CCDC185: variants seen among roughly 807,000 people sequenced by gnomAD.
CCDC185 encodes the protein coiled-coil domain-containing protein 185.
For synonymous variants in CCDC185, 381 were observed against 348.1 expected (o/e 1.09, Z -1.05); for missense variants, 982 against 825.3 (o/e 1.19, Z -2.33).
At position 223,394,541 on chromosome 1, in the gene CCDC185, C is replaced by T; in HGVS notation, c.1066C>T (p.Pro356Ser). ...GGAGCAACCAGAGGACCAGGAGAGC[C>T]CGCGCCAGGAGAAGCTGGAGAAGGC... ...WKEQPEDQES[P>S]RQEKLEKARA... Residue 356 changes from proline (P) to serine (S), a missense_variant, in exon 1 of 1, where the codon CCG becomes TCG. By Grantham distance (74) the Pro-to-Ser change is moderately conservative. Coordinates refer to ENST00000366875, the MANE Select transcript of CCDC185 (RefSeq NM_152610.3). The T allele has an allele frequency of 6.3e-7, 1 of 1,599,888 alleles. No individual in the cohort carries two copies. Among genetic ancestry groups the T allele is most frequent in the African/African-American group, 1.3e-5 (1 of 74,754 alleles).
rs141894100 is a variant in CCDC185, at chr1:223,394,100, G to A, written c.625G>A (p.Ala209Thr). Reference protein sequence around the residue: ...KFKRHSACVCAQKRDSSDQVE... With the variant: ...KFKRHSACVCTQKRDSSDQVE... ...CAAGAGGCACTCAGCCTGCGTGTGC[G>A]CCCAGAAGAGAGACAGCAGCGACCA... The change falls in exon 1 of 1, where the codon GCC (alanine) becomes ACC (threonine). Residue 209 changes from alanine to threonine, a missense_variant. Transcript: ENST00000366875. 78 of 1,613,992 alleles carry A rather than the reference G, an allele frequency of 4.8e-5. No homozygotes were observed. Among genetic ancestry groups the A allele is most frequent in the South Asian group, 4.7e-4 (43 of 91,092 alleles).
In CCDC185 at chr1:223,394,597, C is replaced by T. The variant is rs566778039; in HGVS notation, c.1122C>T (p.Cys374=). The change falls in exon 1 of 1, where the codon TGC becomes TGT. Residue 374 remains cysteine, a synonymous_variant. Transcript: ENST00000366875. ...CCCAGGCAGAGCACCGAAAACAGTGCCAGGTGCGGCGCCTGCGGGAGCAGG... is the reference window on the plus strand; with the variant it reads ...CCCAGGCAGAGCACCGAAAACAGTGTCAGGTGCGGCGCCTGCGGGAGCAGG... ...ARAQAEHRKQ[C]QVRRLREQEK... 9.2e-5 allele frequency: 148 copies of T among 1,611,504 alleles called. 2 individuals are homozygous for T. In the South Asian group the frequency reaches 1.4e-3, roughly 16 times the overall value.
Position 223,395,364 on chromosome 1 carries a change from G to A in CCDC185, c.*17G>A. Reference sequence around the variant, plus strand: ...GGTTACTGAGAACCAAGGACGCCTGGCTTACAGTGCGCAGCCAGAAGGAGA... The same window carrying A: ...GGTTACTGAGAACCAAGGACGCCTGACTTACAGTGCGCAGCCAGAAGGAGA... On this transcript the variant is annotated 3_prime_UTR_variant, in exon 1 of 1. Transcript: ENST00000366875. The A allele has an allele frequency of 6.7e-7, 1 of 1,501,454 alleles. No homozygotes were observed. 93.0% of individuals were successfully genotyped at this position (1,501,454 alleles called of 1,614,324 possible). A position where few individuals can be genotyped will look rare whatever the true frequency, so the allele number is the denominator to read the frequency against.
rs1373732878 is a variant in CCDC185, at chr1:223,393,467, G to C, written c.-9G>C. 1 of 1,458,060 alleles carries C rather than the reference G, an allele frequency of 6.9e-7. No individual in the cohort carries two copies. Among genetic ancestry groups the C allele is most frequent in the South Asian group, 1.4e-5 (1 of 70,316 alleles). The allele number at this position is 1,458,060 out of a possible 1,614,324, so 90.3% of individuals were successfully genotyped here. ...CTTGGGCAGACGCTGCGCGTGCCCAGAGGGAGGGATGGCAGGCTTCAGCCA... is the reference window on the plus strand; with the variant it reads ...CTTGGGCAGACGCTGCGCGTGCCCACAGGGAGGGATGGCAGGCTTCAGCCA... On this transcript the variant is annotated 5_prime_UTR_variant, in exon 1 of 1. Transcript: ENST00000366875. The surrounding 1 kb of genome is among the most constrained non-coding windows in gnomAD (Gnocchi z 4.8).
At position 223,393,936 on chromosome 1, in the gene CCDC185, G is replaced by C. The variant is rs1454892574; in HGVS notation, c.461G>C (p.Gly154Ala). 6.2e-7 allele frequency: 1 copy of C among 1,613,272 alleles called. No homozygotes were observed. The highest frequency in any genetic ancestry group is 1.7e-5 in the Admixed American group (1 of 59,942). ...CCCCCGCCTTGCCCCGGAGGAGCTG[G>C]CACTCCCCTGAGTGGCACATTCAGG... is the stretch of plus-strand genomic sequence containing the variant. ...DSPPPCPGGA[G>A]TPLSGTFRVE... The change falls in exon 1 of 1, where the codon GGC (glycine) becomes GCC (alanine). Residue 154 changes from glycine to alanine, a missense_variant. Transcript: ENST00000366875. This position sits in a 1 kb window ranked among gnomAD's most constrained non-coding sequence, Gnocchi z 4.8.
Position 223,394,440 on chromosome 1 carries a change from T to A in CCDC185, c.965T>A (p.Leu322His). ...CAGGAGAAGGAGCAGCGCAAGACCC[T>A]CCAGAGCCCTGAGCAGCGCGGCCTG... The part of the protein sequence containing the change: ...QWQEKEQRKT[L>H]QSPEQRGLRR... Residue 322 changes from leucine (L) to histidine (H), a missense_variant, in exon 1 of 1, where the codon CTC becomes CAC. Transcript: ENST00000366875. 1 of 1,569,638 alleles carries A rather than the reference T, an allele frequency of 6.4e-7. No homozygotes were observed. The highest frequency in any genetic ancestry group is 2.4e-5 in the East Asian group (1 of 42,360).
At position 223,393,842 on chromosome 1, in the gene CCDC185, C is replaced by G. The variant is rs1178234166; in HGVS notation, c.367C>G (p.Pro123Ala). 5 of 1,599,944 alleles carry G rather than the reference C, an allele frequency of 3.1e-6. No individual in the cohort carries two copies. The highest frequency in any genetic ancestry group is 1.7e-5 in the Admixed American group (1 of 58,252). The change falls in exon 1 of 1, where the codon CCG becomes GCG. Residue 123 changes from proline to alanine, a missense_variant. Coordinates refer to ENST00000366875, the MANE Select transcript of CCDC185 (RefSeq NM_152610.3). The surrounding 1 kb of genome is among the most constrained non-coding windows in gnomAD (Gnocchi z 4.8). ...TGTKPRPAWQ[P>A]QTQLPPQRPQ... is the part of the protein sequence containing the mutation. The stretch of plus-strand genomic sequence containing the variant: ...AACCAAGCCCCGCCCGGCTTGGCAG[C>G]CGCAGACCCAGCTGCCACCCCAGCG...
In CCDC185 at chr1:223,393,784, C is replaced by G; in HGVS notation, c.309C>G (p.Ser103Arg). 6.4e-7 allele frequency: 1 copy of G among 1,571,298 alleles called. No homozygotes were observed. Among genetic ancestry groups the G allele is most frequent in the South Asian group, 1.2e-5 (1 of 86,556 alleles). The change falls in exon 1 of 1, where the codon AGC becomes AGG. Residue 103 changes from serine (S) to arginine (R), a missense_variant. Physicochemically the swap from Ser to Arg is moderately radical, Grantham distance 110 (BLOSUM62 -1). Coordinates refer to ENST00000366875, the MANE Select transcript of CCDC185 (RefSeq NM_152610.3). This position sits in a 1 kb window ranked among gnomAD's most constrained non-coding sequence, Gnocchi z 4.8. ...GTTCCAGGAAGCACCGGCCCCGCAG[C>G]AGGCGCCTGGAAGATGCCTGGGGAG... ...LERSRKHRPR[S>R]RRLEDAWGET...
At chr1:223,393,517 TCTCTGGGAACCCC>T in the CCDC185 span, 2 of 1,542,892 alleles carry the variant, frequency 1.3e-6, no homozygotes, top group South Asian at 2.4e-5. This position sits in a 1 kb window ranked among gnomAD's most constrained non-coding sequence, Gnocchi z 4.8. Context: ...CCTACCGGGA[TCTCTGGGAACCCC>T]CGCGGCCCGG....
Position 223,395,450 on chromosome 1 carries a change from T to C in CCDC185, c.*103T>C. ...ATTGAACATTGATTTTAAAAAAGCATGTAAAATAGCTGCAATTTCCTCTCA... is the reference window on the plus strand; with the variant it reads ...ATTGAACATTGATTTTAAAAAAGCACGTAAAATAGCTGCAATTTCCTCTCA... On this transcript the variant is annotated 3_prime_UTR_variant, in exon 1 of 1. Transcript: ENST00000366875. 1 of 1,241,602 alleles carries C rather than the reference T, an allele frequency of 8.1e-7. No individual in the cohort carries two copies. The highest frequency in any genetic ancestry group is 1.1e-6 in the Non-Finnish European group (1 of 947,168). 76.9% of individuals were successfully genotyped at this position (1,241,602 alleles called of 1,614,324 possible).
At position 223,393,665 on chromosome 1, in the gene CCDC185, T is replaced by C; in HGVS notation, c.190T>C (p.Cys64Arg). 1 of 1,565,846 alleles carries C rather than the reference T, an allele frequency of 6.4e-7. No homozygotes were observed. Among genetic ancestry groups the C allele is most frequent in the Non-Finnish European group, 8.6e-7 (1 of 1,160,948 alleles). ...TGGGGCGTGCTGGCTGCACCCGCAC[T>C]GTTCGTTCACCCCGCGGCCTCGCAG... ...EAGACWLHPH[C>R]SFTPRPRRRG... Residue 64 changes from cysteine (C) to arginine (R), a missense_variant, in exon 1 of 1, where the codon TGT (cysteine) becomes CGT (arginine). Coordinates refer to ENST00000366875, the MANE Select transcript of CCDC185 (RefSeq NM_152610.3). The surrounding 1 kb of genome is among the most constrained non-coding windows in gnomAD (Gnocchi z 4.8).
chr1:223,394,740 C>A lies in CCDC185; in HGVS notation c.1265C>A (p.Thr422Asn), dbSNP rs1158629807. ...AVEGQKKVQDTNLSSLINYQA... is the reference protein window; with the variant it reads ...AVEGQKKVQDNNLSSLINYQA... ...GAGGGCCAGAAGAAGGTCCAGGACA[C>A]CAACCTGAGCTCCCTCATCAATTAC... The change falls in exon 1 of 1, where the codon ACC (threonine) becomes AAC (asparagine). Residue 422 changes from threonine to asparagine, a missense_variant. Physicochemically the swap from Thr to Asn is moderately conservative, Grantham distance 65. Transcript: ENST00000366875. 4.3e-6 allele frequency: 7 copies of A among 1,611,444 alleles called. No homozygotes were observed. The highest frequency in any genetic ancestry group is 1.3e-5 in the African/African-American group (1 of 74,992).
chr1:223,394,317 C>T lies in CCDC185; in HGVS notation c.842C>T (p.Ala281Val). Reference protein sequence around the residue: ...QRIRELQQQAAKAWEELKRSD... With the variant: ...QRIRELQQQAVKAWEELKRSD... ...ATACGGGAGCTGCAGCAGCAGGCGGCTAAGGCCTGGGAGGAGCTGAAGCGC... is the reference window on the plus strand; with the variant it reads ...ATACGGGAGCTGCAGCAGCAGGCGGTTAAGGCCTGGGAGGAGCTGAAGCGC... The change falls in exon 1 of 1, where the codon GCT (alanine) becomes GTT (valine). Residue 281 changes from alanine to valine, a missense_variant. Transcript: ENST00000366875. 6.2e-7 allele frequency: 1 copy of T among 1,609,574 alleles called. No homozygotes were observed. The highest frequency in any genetic ancestry group is 8.5e-7 in the Non-Finnish European group (1 of 1,178,114).
rs1472939380 is a variant in CCDC185, at chr1:223,394,328, G to A, written c.853G>A (p.Glu285Lys). 6.2e-7 allele frequency: 1 copy of A among 1,605,858 alleles called. No homozygotes were observed. Residue 285 changes from glutamate to lysine, a missense_variant, in exon 1 of 1, where the codon GAG becomes AAG. By Grantham distance (56) the Glu-to-Lys change is moderately conservative (BLOSUM62 1). Coordinates refer to ENST00000366875, the MANE Select transcript of CCDC185 (RefSeq NM_152610.3). The stretch of plus-strand genomic sequence containing the variant: ...GCAGCAGCAGGCGGCTAAGGCCTGG[G>A]AGGAGCTGAAGCGCTCGGATCAGAA... ...ELQQQAAKAW[E>K]ELKRSDQKVQ...
Position 223,395,416 on chromosome 1 carries a change from CTG to C in CCDC185, c.*70_*71del. 1 of 1,396,012 alleles carries C rather than the reference CTG, an allele frequency of 7.2e-7. No homozygotes were observed. The highest frequency in any genetic ancestry group is 1.9e-5 in the South Asian group (1 of 53,942). The allele number at this position is 1,396,012 out of a possible 1,614,324, so 86.5% of individuals were successfully genotyped here. A position where few individuals can be genotyped will look rare whatever the true frequency, so the allele number is the denominator to read the frequency against. On this transcript the variant is annotated 3_prime_UTR_variant, in exon 1 of 1. Coordinates refer to ENST00000366875, the MANE Select transcript of CCDC185 (RefSeq NM_152610.3). ...GTGGCAATGTGATTCCTTTTGTAAT[CTG>C]ATTATAATTGAACATTGATTTTAAA...
In CCDC185 at chr1:223,393,622, G is replaced by T; in HGVS notation, c.147G>T (p.Pro49=). The T allele has an allele frequency of 6.6e-7, 1 of 1,524,380 alleles. No individual in the cohort carries two copies. Among genetic ancestry groups the T allele is most frequent in the Non-Finnish European group, 8.8e-7 (1 of 1,139,044 alleles). 94.4% of individuals were successfully genotyped at this position (1,524,380 alleles called of 1,614,324 possible). The change falls in exon 1 of 1, where the codon CCG becomes CCT. Residue 49 remains proline (P), a synonymous_variant. Transcript: ENST00000366875. This position sits in a 1 kb window ranked among gnomAD's most constrained non-coding sequence, Gnocchi z 4.8. Reference sequence around the variant, plus strand: ...CCGCGTGCTCCCGGGCCGGGACTCCGGGTGCGGAGAGCGAAGCTGGGGCGT... The same window carrying T: ...CCGCGTGCTCCCGGGCCGGGACTCCTGGTGCGGAGAGCGAAGCTGGGGCGT... ...DSTACSRAGT[P]GAESEAGACW... is the part of the protein sequence containing the mutation.
rs779264658 is a variant in CCDC185, at chr1:223,395,039, C to T, written c.1564C>T (p.His522Tyr). ...GATCCGACAGGCCAGGAGTCACGTGCACAAGACCACTAGGGACAAGGTGCA... is the reference window on the plus strand; with the variant it reads ...GATCCGACAGGCCAGGAGTCACGTGTACAAGACCACTAGGGACAAGGTGCA... Reference protein sequence around the residue: ...EKIRQARSHVHKTTRDKVQHL... With the variant: ...EKIRQARSHVYKTTRDKVQHL... Residue 522 changes from histidine to tyrosine, a missense_variant, in exon 1 of 1, where the codon CAC becomes TAC. His to Tyr is a moderately conservative substitution (Grantham distance 83, BLOSUM62 2). Transcript: ENST00000366875. 1.2e-6 allele frequency: 2 copies of T among 1,614,084 alleles called. No individual in the cohort carries two copies. Among genetic ancestry groups the T allele is most frequent in the Non-Finnish European group, 1.7e-6 (2 of 1,180,014 alleles).
In CCDC185 at chr1:223,395,011, G is replaced by C. The variant is rs144316000; in HGVS notation, c.1536G>C (p.Glu512Asp). The change falls in exon 1 of 1, where the codon GAG (glutamate) becomes GAC (aspartate). Residue 512 changes from glutamate (E) to aspartate (D), a missense_variant. Transcript: ENST00000366875. The part of the protein sequence containing the change: ...RKRILVELAD[E>D]KIRQARSHVH... ...GAATTCTGGTGGAGCTGGCGGATGA[G>C]AAGATCCGACAGGCCAGGAGTCACG... is the stretch of plus-strand genomic sequence containing the variant. 9.3e-6 allele frequency: 15 copies of C among 1,613,982 alleles called. No homozygotes were observed. The African/African-American group carries it at 1.5e-4, about 16-fold the overall frequency.
rs1302549354 is a variant in CCDC185, at chr1:223,395,125, C to G, written c.1650C>G (p.Ala550=). Residue 550 remains alanine, a synonymous_variant, in exon 1 of 1, where the codon GCC becomes GCG. Coordinates refer to ENST00000366875, the MANE Select transcript of CCDC185 (RefSeq NM_152610.3). Reference sequence around the variant, plus strand: ...ACCACCACATCCTGAAACTGAAAGCCGAGAAGGAGGAAAAGTGTCACATTG... The same window carrying G: ...ACCACCACATCCTGAAACTGAAAGCGGAGAAGGAGGAAAAGTGTCACATTG... ...EKNHHILKLK[A]EKEEKCHIEG... 1 of 1,613,990 alleles carries G rather than the reference C, an allele frequency of 6.2e-7. No individual in the cohort carries two copies. The highest frequency in any genetic ancestry group is 8.5e-7 in the Non-Finnish European group (1 of 1,180,002).
Sources: gnomAD v4.1 joint callset for allele counts on GRCh38, gnomAD v4.1.1 for gene constraint, Gnocchi (gnomAD v3.1) non-coding constraint, MANE v1.5 for transcripts, NCBI Gene and HGNC (gene_info 2026-07-23, HGNC 2026-07-21) for gene names.